The following SEC14L3 variants were observed in gnomAD, a reference collection of about 807,000 sequenced individuals.
The protein encoded by SEC14L3 is SEC14-like protein 3.
Under a neutral mutation model 57.4 loss-of-function variants are expected in SEC14L3, and 56 were observed. That is an observed-to-expected ratio of 0.97 (90% CI 0.79 to 1.22). The LOEUF is 1.22. Ranked by LOEUF, SEC14L3 falls within the 50% of genes most tolerant of loss-of-function variation. The probability of loss-of-function intolerance (pLI) is 0.00; values close to 1 mark genes in which losing one functional copy is unlikely to be tolerated. For synonymous variants in SEC14L3, 173 were observed against 194.4 expected (o/e 0.89, Z 0.92); for missense variants, 485 against 511.7 (o/e 0.95, Z 0.50).
At chr22:30,465,471 CAGCCAGCCAACCATCCAAATAACT>C in intron 7 of SEC14L3, among the ~76,000 whole-genome samples, 1 of 151,702 alleles carries the variant, frequency 6.6e-6, no homozygotes. Flanking sequence ...GTCAAATAAC[CAGCCAGCCAACCATCCAAATAACT>C]AGCCAGCCAG....
At chr22:30,454,817 T>A, downstream of SEC14L3, among the ~76,000 whole-genome samples, 3 of 37,918 alleles carry the variant, frequency 7.9e-5, 1 homozygote, top group Non-Finnish European at 1.1e-4. Flanking sequence ...ATATTTTATA[T>A]ATTATAATAT....
intron 4 of SEC14L3, among the ~76,000 whole-genome samples, chr22:30,469,544 G>C (rs1935534245): frequency 6.6e-6 from 1 of 152,226 alleles, no homozygotes; most frequent in South Asian, 2.1e-4. Flanking sequence ...TAAGATGCCA[G>C]TGGTGGCACT....
In SEC14L3 at chr22:30,471,888, G is replaced by T; in HGVS notation, c.54+17C>A. 1 of 1,613,374 alleles carries T rather than the reference G, an allele frequency of 6.2e-7. No homozygotes were observed. Among genetic ancestry groups the T allele is most frequent in the Non-Finnish European group, 8.5e-7 (1 of 1,179,652 alleles). ...TTTCCCCTGGTCTTCCGGAACTCCA[G>T]GGGGAGGGGCTCTCACCTTGGCCAG... On this transcript the variant is annotated intron_variant, in intron 1 of 11. Transcript: ENST00000215812.
chr22:30,453,553 C>G (rs1935026896), intron 12 of SEC14L3, among the ~76,000 whole-genome samples: 1 of 152,322 alleles, frequency 6.6e-6, no homozygotes, highest in South Asian at 2.1e-4. Context: ...GGTAGGATTA[C>G]AGGCATGCAC....
At chr22:30,467,118 TG>T in intron 5 of SEC14L3, 41 bp from the exon 6 acceptor site, 1 of 1,612,684 alleles carries the variant, frequency 6.2e-7, no homozygotes, top group Non-Finnish European at 8.5e-7. Flanking sequence ...GAGTTCAGGG[TG>T]TAGGCTTGGG....
At chr22:30,449,337 T>G in intron 12 of SEC14L3, 6 of 1,445,464 alleles carry the variant, frequency 4.2e-6, no homozygotes, top group East Asian at 2.5e-5. Context: ...AGGCATATGC[T>G]AAGTTAGTGT....
chr22:30,471,575 C>T (rs1935612435), intron 1 of SEC14L3, among the ~76,000 whole-genome samples: 1 of 152,150 alleles, frequency 6.6e-6, no homozygotes. Context: ...TCAGCTCCTA[C>T]CTATGGTGCC....
intron 5 of SEC14L3, among the ~76,000 whole-genome samples, chr22:30,467,750 GA>G (rs1359622705): frequency 6.6e-6 from 1 of 152,176 alleles, no homozygotes; most frequent in African/African-American, 2.4e-5. Context: ...CAGACAGAAG[GA>G]ATAGCAAGGG....
Position 30,462,142 on chromosome 22 carries a change from C to A in SEC14L3, c.715G>T (p.Ala239Ser). 6.2e-7 allele frequency: 1 copy of A among 1,614,182 alleles called. No homozygotes were observed. Among genetic ancestry groups the A allele is most frequent in the Middle Eastern group, 1.6e-4 (1 of 6,062 alleles). ...LKLISPEELP[A>S]QFGGTLTDPD... ...TCAGTCAGGGTGCCCCCAAACTGGG[C>A]AGGCAGTTCCTCAGGACTGATGAGT... The change falls in exon 9 of 12, where the codon GCC becomes TCC. Residue 239 changes from alanine to serine, a missense_variant. Coordinates refer to ENST00000215812, the MANE Select transcript of SEC14L3 (RefSeq NM_174975.5).
chr22:30,468,508 C>T lies in SEC14L3; in HGVS notation c.423G>A (p.Arg141=). The T allele has an allele frequency of 1.2e-6, 2 of 1,609,108 alleles. No individual in the cohort carries two copies. The highest frequency in any genetic ancestry group is 1.7e-6 in the Non-Finnish European group (2 of 1,176,192). The stretch of plus-strand genomic sequence containing the variant: ...CCACCCCACCTGGCCTGGACCTCAC[C>T]CTCTCTGTCTGCAGGTCACACTCAT... ...ILHECDLQTE[R]LGKKIETIVM... The change falls in exon 5 of 12, where the codon AGG becomes AGA. Residue 141 remains arginine (R), a splice_region_variant and synonymous_variant. Coordinates refer to ENST00000215812, the MANE Select transcript of SEC14L3 (RefSeq NM_174975.5).
At chr22:30,469,855 A>C (rs1935543426) in intron 4 of SEC14L3, among the ~76,000 whole-genome samples, 164 bp downstream of exon 4, 1 of 152,176 alleles carries the variant, frequency 6.6e-6, no homozygotes, top group Non-Finnish European at 1.5e-5. Flanking sequence ...CTAGGCCTGG[A>C]CCTTGCAAGC....
At chr22:30,471,478 T>C (rs976323689) in intron 1 of SEC14L3, among the ~76,000 whole-genome samples, 2 of 152,208 alleles carry the variant, frequency 1.3e-5, no homozygotes, top group Non-Finnish European at 2.9e-5. Context: ...GACAACACTT[T>C]CTGCTCTGTC....
intron 8 of SEC14L3, among the ~76,000 whole-genome samples, chr22:30,464,213 C>T (rs1935348459): frequency 6.6e-6 from 1 of 152,154 alleles, no homozygotes. Flanking sequence ...CCTCTTCTGC[C>T]AAGGTTGCCT....
At chr22:30,449,680 T>C (rs2146078964) in intron 12 of SEC14L3, among the ~76,000 whole-genome samples, 1 of 151,948 alleles carries the variant, frequency 6.6e-6, no homozygotes, top group Non-Finnish European at 1.5e-5. Flanking sequence ...TTCTCCTGTC[T>C]CAACCTCCCG....
At chr22:30,458,780 G>T (rs530377035), downstream of SEC14L3, among the ~76,000 whole-genome samples, 11 of 152,026 alleles carry the variant, frequency 7.2e-5, no homozygotes, top group Non-Finnish European at 1.3e-4. Context: ...GGAGGCTGAT[G>T]GGGGGTAAAT....
intron 8 of SEC14L3, 194 bp from the exon 9 acceptor site, chr22:30,462,386 T>A: frequency 2.4e-6 from 1 of 422,938 alleles, no homozygotes; most frequent in Non-Finnish European, 3.2e-6. Context: ...GAAATGTGTT[T>A]CCCGCCTTGA....
intron 1 of SEC14L3, chr22:30,471,013 G>GCA: frequency 3.2e-6 from 1 of 309,114 alleles, no homozygotes; most frequent in South Asian, 2.7e-5. Context: ...AGCCAGGTAT[G>GCA]GTGGCTCACG....
chr22:30,464,508 G>A (rs755443475), intron 8 of SEC14L3, among the ~76,000 whole-genome samples: 1 of 152,146 alleles, frequency 6.6e-6, no homozygotes, highest in Non-Finnish European at 1.5e-5. Context: ...ACGACTCACT[G>A]CAGCTTCATA....
chr22:30,464,172 T>C (rs1253200408), intron 8 of SEC14L3, among the ~76,000 whole-genome samples: 1 of 152,196 alleles, frequency 6.6e-6, no homozygotes, highest in Admixed American at 6.5e-5. Flanking sequence ...TTCTCTGAAT[T>C]GTGACTACTC....
Sources: allele counts gnomAD v4.1 joint callset (sites outside exome capture counted in the v4.1 genomes callset), GRCh38; gene constraint gnomAD v4.1.1; transcripts MANE v1.5; gene names NCBI Gene and HGNC (gene_info 2026-07-23, HGNC 2026-07-21).